GALNT18: variants seen among roughly 807,000 people sequenced by gnomAD.
GALNT18 encodes the protein polypeptide N-acetylgalactosaminyltransferase 18.
Under a neutral mutation model 69.5 loss-of-function variants are expected in GALNT18, and 44 were observed. That is an observed-to-expected ratio of 0.63 (90% CI 0.50 to 0.81). The LOEUF (loss-of-function observed/expected upper bound fraction) is 0.81, where lower values mean the gene tolerates loss of function less well. Among genes scored for constraint, GALNT18 ranks in the 40% least tolerant of loss-of-function variants. The probability of loss-of-function intolerance (pLI) is 0.00; values close to 1 mark genes in which losing one functional copy is unlikely to be tolerated. For synonymous variants in GALNT18, 364 were observed against 318.2 expected, an observed-to-expected ratio of 1.14 and a Z score of -1.53; for missense variants, 715 against 810.0, an observed-to-expected ratio of 0.88 and a Z score of 1.42.
rs905513872 is a variant in GALNT18, at chr11:11,500,395, A to G, written c.236-51459T>C. On this transcript the variant is annotated intron_variant, in intron 1 of 10. Transcript: ENST00000227756. The surrounding 1 kb of genome is among the most constrained non-coding windows in gnomAD (Gnocchi z 5.0). ...CCTTTCTGAGGCTTCATTTCCTCAC[A>G]TGGAAAGTGGTGATGGTAACACCTA... Among the ~76,000 whole-genome samples the G allele has an allele frequency of 1.3e-5, 2 of 152,146 alleles. No individual in the cohort carries two copies. Among genetic ancestry groups the G allele is most frequent in the Non-Finnish European group, 2.9e-5 (2 of 68,028 alleles).
At chr11:11,345,458 T>G (rs1285335209) in intron 6 of GALNT18, among the ~76,000 whole-genome samples, 2 of 151,978 alleles carry the variant, frequency 1.3e-5, no homozygotes, top group African/African-American at 4.8e-5. Context: ...AGACAAAGGA[T>G]AAGAAAGGAA....
rs202138126 is a variant in GALNT18 at position 11,504,475 on chromosome 11, C to T, written c.236-55539G>A. 2.6e-5 allele frequency among the ~76,000 whole-genome samples: 4 copies of T among 152,096 alleles called. No individual in the cohort carries two copies. The East Asian group carries it at 7.7e-4, about 29-fold the overall frequency. ...CTTGATCACAAATAAATCAGGTCAT[C>T]ACCGGGCGTGATGGCTCATGTGTGT... On this transcript the variant is annotated intron_variant, in intron 1 of 10. Coordinates refer to ENST00000227756, the MANE Select transcript of GALNT18 (RefSeq NM_198516.3).
At chr11:11,594,842 CACATAT>C (rs1195205512) in intron 1 of GALNT18, among the ~76,000 whole-genome samples, 6 of 115,694 alleles carry the variant, frequency 5.2e-5, no homozygotes, top group Admixed American at 3.4e-4. Flanking sequence ...TATATATATA[CACATAT>C]ACATACATAC....
At chr11:11,303,075 A>C (rs1189694006) in intron 9 of GALNT18, among the ~76,000 whole-genome samples, 2 of 152,144 alleles carry the variant, frequency 1.3e-5, no homozygotes, top group African/African-American at 4.8e-5. Flanking sequence ...TGCCTCACCC[A>C]TGCATCTGGG....
intron 1 of GALNT18, among the ~76,000 whole-genome samples, chr11:11,588,140 G>C (rs1268920144): frequency 6.6e-6 from 1 of 152,022 alleles, no homozygotes; most frequent in Non-Finnish European, 1.5e-5. Flanking sequence ...AGCTGGAAGT[G>C]AGCCATACCC....
intron 10 of GALNT18, among the ~76,000 whole-genome samples, chr11:11,278,927 A>G (rs1564876267): frequency 1.3e-5 from 2 of 152,258 alleles, no homozygotes; most frequent in Non-Finnish European, 2.9e-5. Flanking sequence ...TGATCATTAC[A>G]CATTATATGC....
intron 10 of GALNT18, among the ~76,000 whole-genome samples, chr11:11,275,389 G>A (rs1284417728): frequency 6.6e-6 from 1 of 152,146 alleles, no homozygotes; most frequent in Admixed American, 6.5e-5. Flanking sequence ...AGATGGGGTT[G>A]TTTGTTTCTT....
At chr11:11,311,641 A>G (rs4909985) in intron 9 of GALNT18, among the ~76,000 whole-genome samples, 96,141 of 151,910 alleles carry the variant, frequency 0.63, 30,564 homozygotes, top group Middle Eastern at 0.74. Context: ...TTTCCAACCT[A>G]TGCTCATAGC....
chr11:11,365,258 G>C (rs1314854752), intron 6 of GALNT18, among the ~76,000 whole-genome samples: 1 of 152,048 alleles, frequency 6.6e-6, no homozygotes, highest in Non-Finnish European at 1.5e-5. Context: ...TTGGTTTTCT[G>C]TTCCTGTGTT....
At chr11:11,417,444 T>C (rs567177326) in intron 3 of GALNT18, among the ~76,000 whole-genome samples, 1 of 152,302 alleles carries the variant, frequency 6.6e-6, no homozygotes, top group Non-Finnish European at 1.5e-5. Context: ...AAGCTTCTGC[T>C]TCTCAAAGTG....
chr11:11,486,090 A>G (rs1286382981), intron 1 of GALNT18, among the ~76,000 whole-genome samples: 1 of 152,164 alleles, frequency 6.6e-6, no homozygotes, highest in Non-Finnish European at 1.5e-5. Flanking sequence ...GGAATCTACA[A>G]GAAGGACTCA....
At chr11:11,574,831 A>G (rs1419254030) in intron 1 of GALNT18, among the ~76,000 whole-genome samples, 1 of 152,224 alleles carries the variant, frequency 6.6e-6, no homozygotes, top group Non-Finnish European at 1.5e-5. Flanking sequence ...ATTAGTATAA[A>G]TTACTCTGAG....
In GALNT18 at chr11:11,602,467, G is replaced by C. The variant is rs111499323; in HGVS notation, c.235+18892C>G. ...GGAAGTTGTGGGAAAGCAGCACCCC[G>C]TCTTCTTGTCCATATCTGTCCAGAG... On this transcript the variant is annotated intron_variant, in intron 1 of 10. Coordinates refer to ENST00000227756, the MANE Select transcript of GALNT18 (RefSeq NM_198516.3). This position sits in a 1 kb window ranked among gnomAD's most constrained non-coding sequence, Gnocchi z 4.7. 6.6e-6 allele frequency among the ~76,000 whole-genome samples: 1 copy of C among 152,122 alleles called. No homozygotes were observed. Among genetic ancestry groups the C allele is most frequent in the Admixed American group, 6.5e-5 (1 of 15,280 alleles).
rs1338972536 is a variant in GALNT18, at chr11:11,543,692, C to T, written c.235+77667G>A. 2.0e-5 allele frequency among the ~76,000 whole-genome samples: 3 copies of T among 152,210 alleles called. No individual in the cohort carries two copies. The East Asian group carries it at 5.8e-4, about 29-fold the overall frequency. On this transcript the variant is annotated intron_variant, in intron 1 of 10. Coordinates refer to ENST00000227756, the MANE Select transcript of GALNT18 (RefSeq NM_198516.3). This position sits in a 1 kb window ranked among gnomAD's most constrained non-coding sequence, Gnocchi z 5.1. ...TGACCTGATGCGAATCCCATCCATCCCTAGGACCTAGGCTTTTACAACTGC... is the reference window on the plus strand; with the variant it reads ...TGACCTGATGCGAATCCCATCCATCTCTAGGACCTAGGCTTTTACAACTGC...
At chr11:11,440,922 G>A (rs112017222) in intron 2 of GALNT18, among the ~76,000 whole-genome samples, 12 of 152,252 alleles carry the variant, frequency 7.9e-5, no homozygotes, top group Admixed American at 1.3e-4. Context: ...ACTTGTTGGC[G>A]GTCACCCAGC....
At chr11:11,378,668 C>T (rs890477471) in intron 4 of GALNT18, among the ~76,000 whole-genome samples, 2 of 152,238 alleles carry the variant, frequency 1.3e-5, no homozygotes, top group Non-Finnish European at 2.9e-5. Flanking sequence ...CCACCTTTGC[C>T]CACTTGCTGT....
chr11:11,304,735 T>C (rs1408848598), intron 9 of GALNT18, among the ~76,000 whole-genome samples: 1 of 152,208 alleles, frequency 6.6e-6, no homozygotes, highest in Non-Finnish European at 1.5e-5. Flanking sequence ...ATGCCAGACA[T>C]GGCCACGTTT....
At chr11:11,345,122 T>C (rs1850280392) in intron 6 of GALNT18, among the ~76,000 whole-genome samples, 1 of 152,216 alleles carries the variant, frequency 6.6e-6, no homozygotes, top group African/African-American at 2.4e-5. Context: ...CAACGCTCCC[T>C]TCTCAGAGAC....
Position 11,538,793 on chromosome 11 carries a change from G to A in GALNT18, c.235+82566C>T, listed in dbSNP as rs72867170. ...CCCAGGGCCTGCACATCGCAGGCCC[G>A]CTGATCTCCTTACTCCTGCTGCTGC... is the stretch of plus-strand genomic sequence containing the variant. On this transcript the variant is annotated intron_variant, in intron 1 of 10. Coordinates refer to ENST00000227756, the MANE Select transcript of GALNT18 (RefSeq NM_198516.3). This position sits in a 1 kb window ranked among gnomAD's most constrained non-coding sequence, Gnocchi z 5.2. Among the ~76,000 whole-genome samples the A allele has an allele frequency of 6.4e-4, 97 of 152,262 alleles. No homozygotes were observed. Among genetic ancestry groups the A allele is most frequent in the Non-Finnish European group, 9.4e-4 (64 of 68,016 alleles).
Sources: allele counts gnomAD v4.1 joint callset (sites outside exome capture counted in the v4.1 genomes callset), GRCh38; gene constraint gnomAD v4.1.1; non-coding constraint Gnocchi (gnomAD v3.1); transcripts MANE v1.5; gene names NCBI Gene and HGNC (gene_info 2026-07-23, HGNC 2026-07-21).